The following ARHGAP22 variants were observed in gnomAD, a reference collection of about 807,000 sequenced individuals.
ARHGAP22 encodes rho GTPase-activating protein 22.
In ARHGAP22, 48 loss-of-function variants were observed where a neutral mutation model predicts 59.1. That is an observed-to-expected ratio of 0.81 (90% CI 0.64 to 1.03). The LOEUF (loss-of-function observed/expected upper bound fraction) is 1.03. Ranked by LOEUF, ARHGAP22 falls within the 50% of genes least tolerant of loss-of-function variation. The probability of loss-of-function intolerance (pLI) is 0.00; values close to 1 mark genes in which losing one functional copy is unlikely to be tolerated. For missense variants in ARHGAP22, 1,015 were observed against 958.7 expected (o/e 1.06, Z -0.78); for synonymous variants, 445 against 416.4 (o/e 1.07, Z -0.84).
rs886069810 is a variant in ARHGAP22, at chr10:48,647,519, G to A, written c.52+4715C>T. Among the ~76,000 whole-genome samples the A allele has an allele frequency of 8.5e-5, 13 of 152,166 alleles. No individual in the cohort carries two copies. In the South Asian group the frequency reaches 1.0e-3, roughly 12 times the overall value. ...CCCAATAAAATACCACTTTACACCC[G>A]CTAGGATAGCTATAATAAAACAATA... On this transcript the variant is annotated intron_variant, in intron 1 of 9. Coordinates refer to the ARHGAP22 transcript ENST00000435790.
intron 1 of ARHGAP22, among the ~76,000 whole-genome samples, chr10:48,596,927 G>T (rs1012531831): frequency 6.6e-6 from 1 of 152,096 alleles, no homozygotes; most frequent in Non-Finnish European, 1.5e-5. Flanking sequence ...GACAGGTCCC[G>T]CATGGGCCAT....
chr10:48,569,009 A>G (rs1292275242), intron 2 of ARHGAP22, among the ~76,000 whole-genome samples: 3 of 152,190 alleles, frequency 2.0e-5, no homozygotes, highest in Non-Finnish European at 4.4e-5. Context: ...TTCTGCTCAA[A>G]ATACACCTTT....
At chr10:48,545,060 A>G (rs2056313211) in intron 3 of ARHGAP22, among the ~76,000 whole-genome samples, 1 of 152,238 alleles carries the variant, frequency 6.6e-6, no homozygotes, top group African/African-American at 2.4e-5. Flanking sequence ...AAATGATAGT[A>G]TTTTGGAGCC....
In ARHGAP22 at chr10:48,604,641, C is replaced by A. The variant is rs556030682; in HGVS notation, c.34+122G>T. The A allele has an allele frequency of 4.7e-6, 7 of 1,479,294 alleles. No individual in the cohort carries two copies. In the East Asian group the frequency reaches 1.2e-4, roughly 25 times the overall value. The allele number at this position is 1,479,294 out of a possible 1,614,324, so 91.6% of individuals were successfully genotyped here. On this transcript the variant is annotated intron_variant, in intron 1 of 9. Transcript: ENST00000249601. ...CCTCAGGAGGATGCTCACTATTCAG[C>A]GGCAATGGTCCCAGAACGCCCGCCC...
chr10:48,640,891 A>G (rs1272673211), intron 1 of ARHGAP22, among the ~76,000 whole-genome samples: 1 of 152,208 alleles, frequency 6.6e-6, no homozygotes, highest in African/African-American at 2.4e-5. Flanking sequence ...CTATAGTTAT[A>G]ACAGTGTATT....
At chr10:48,481,636 T>C (rs2049333822) in intron 3 of ARHGAP22, among the ~76,000 whole-genome samples, 1 of 152,220 alleles carries the variant, frequency 6.6e-6, no homozygotes, top group African/African-American at 2.4e-5. Context: ...TCAGCCTGTC[T>C]AACTTTTTAA....
intron 3 of ARHGAP22, chr10:48,523,983 C>A (rs2054076356): frequency 1.4e-6 from 2 of 1,392,748 alleles, no homozygotes; most frequent in Non-Finnish European, 1.9e-6. Flanking sequence ...CGTGGCGAGT[C>A]CCCGAGGCGG....
chr10:48,495,120 A>G (rs1210972839), intron 3 of ARHGAP22, among the ~76,000 whole-genome samples: 1 of 152,174 alleles, frequency 6.6e-6, no homozygotes, highest in Non-Finnish European at 1.5e-5. Context: ...GGAATGTACG[A>G]CTTATGAAGG....
intron 1 of ARHGAP22, among the ~76,000 whole-genome samples, chr10:48,599,746 T>A (rs1564973423): frequency 6.6e-6 from 1 of 152,192 alleles, no homozygotes; most frequent in Non-Finnish European, 1.5e-5. Context: ...GCCTGCTGCT[T>A]GGCCAGGCTG....
intron 9 of ARHGAP22, among the ~76,000 whole-genome samples, chr10:48,447,835 C>T (rs970122287): frequency 1.3e-5 from 2 of 152,206 alleles, no homozygotes; most frequent in Non-Finnish European, 2.9e-5. Context: ...ACAATGATGT[C>T]CTCCCCTAAG....
chr10:48,492,268 CTTT>C (rs539514841), intron 3 of ARHGAP22, among the ~76,000 whole-genome samples: 21 of 151,878 alleles, frequency 1.4e-4, no homozygotes, highest in Admixed American at 5.2e-4. Context: ...TTTTTTAAAA[CTTT>C]TTTTTAAAAA....
chr10:48,449,778 G>A (rs2045715917), intron 9 of ARHGAP22, among the ~76,000 whole-genome samples: 1 of 151,682 alleles, frequency 6.6e-6, no homozygotes, highest in South Asian at 2.1e-4. Context: ...GCGGACACGA[G>A]GGCTTGGTTC....
chr10:48,507,396 A>G (rs4838610), intron 3 of ARHGAP22, among the ~76,000 whole-genome samples: 31,610 of 152,218 alleles, frequency 0.21, 5,383 homozygotes, highest in East Asian at 0.59. Context: ...TGATATGCGT[A>G]AATTAGAACA....
At chr10:48,504,556 G>A (rs943002966) in intron 3 of ARHGAP22, among the ~76,000 whole-genome samples, 1 of 152,204 alleles carries the variant, frequency 6.6e-6, no homozygotes, top group Non-Finnish European at 1.5e-5. Context: ...CTCAGGAACA[G>A]CAGGGGCTGG....
At chr10:48,631,233 A>C (rs1239674470) in intron 1 of ARHGAP22, among the ~76,000 whole-genome samples, 10 of 152,110 alleles carry the variant, frequency 6.6e-5, no homozygotes. Flanking sequence ...ACTTGTTTAC[A>C]TCTATATTCA....
At chr10:48,561,952 A>G (rs4838424) in intron 2 of ARHGAP22, among the ~76,000 whole-genome samples, 19,618 of 152,068 alleles carry the variant, frequency 0.13, 2,389 homozygotes, top group African/African-American at 0.32. Flanking sequence ...TACTGCCCGG[A>G]GCAGTGGCTC....
In ARHGAP22 at chr10:48,450,620, G is replaced by C; in HGVS notation, c.1509C>G (p.Gly503=). The C allele has an allele frequency of 6.5e-7, 1 of 1,548,880 alleles. No individual in the cohort carries two copies. Among genetic ancestry groups the C allele is most frequent in the African/African-American group, 1.4e-5 (1 of 73,188 alleles). ...ACGCCATACTGGCCACGCTGGGTAT[G>C]CCGGGGACCAGGCCCGGCGCGGGCA... ...DNVPAPGLVP[G]IPSVASMAWS... is the part of the protein sequence containing the mutation. The change falls in exon 9 of 10, where the codon GGC becomes GGG. Residue 503 remains glycine (G), a synonymous_variant. Transcript: ENST00000249601.
intron 1 of ARHGAP22, among the ~76,000 whole-genome samples, chr10:48,625,819 C>T (rs1409290212): frequency 1.3e-5 from 2 of 152,030 alleles, no homozygotes; most frequent in African/African-American, 4.8e-5. Flanking sequence ...TTCCATGCTT[C>T]CAGGGATGAT....
At chr10:48,520,885 C>T (rs1172800757) in intron 3 of ARHGAP22, among the ~76,000 whole-genome samples, 1 of 152,138 alleles carries the variant, frequency 6.6e-6, no homozygotes, top group Non-Finnish European at 1.5e-5. Context: ...TCCTGCCCCT[C>T]GCTGCCCTGG....
Sources: allele counts gnomAD v4.1 joint callset (sites outside exome capture counted in the v4.1 genomes callset), GRCh38; gene constraint gnomAD v4.1.1; transcripts MANE v1.5; gene names NCBI Gene and HGNC (gene_info 2026-07-23, HGNC 2026-07-21).